The following QKI variants were observed in gnomAD, a reference collection of about 807,000 sequenced individuals.
QKI encodes QKI, KH domain containing RNA binding.
In QKI, 10 loss-of-function variants were observed where a neutral mutation model predicts 39.0. That is an observed-to-expected ratio of 0.26 (90% CI 0.16 to 0.43). The LOEUF (loss-of-function observed/expected upper bound fraction) is 0.43, where lower values mean the gene tolerates loss of function less well. Ranked by LOEUF, QKI falls within the 20% of genes least tolerant of loss-of-function variation. The probability of loss-of-function intolerance (pLI) is 1.00; values close to 1 mark genes in which losing one functional copy is unlikely to be tolerated. For missense variants in QKI, 218 were observed against 428.0 expected (o/e 0.51, Z 4.33); for synonymous variants, 204 against 155.4 (o/e 1.31, Z -2.33).
At chr6:163,567,806 GAGGAAAA>G in intron 7 of QKI, 4 of 985,248 alleles carry the variant, frequency 4.1e-6, no homozygotes, top group Non-Finnish European at 4.8e-6. Flanking sequence ...AATATTAGTG[GAGGAAAA>G]AGTGCTGGAT....
At chr6:163,537,908 C>G (rs73246641) in intron 4 of QKI, among the ~76,000 whole-genome samples, 3,106 of 152,216 alleles carry the variant, frequency 0.02, 106 homozygotes, top group African/African-American at 0.071. Context: ...TGCCTTCTTA[C>G]TCTGAGAAAA....
intron 4 of QKI, among the ~76,000 whole-genome samples, chr6:163,552,206 CTTT>C (rs35060699): frequency 5.9e-5 from 6 of 101,782 alleles, no homozygotes; most frequent in South Asian, 7.1e-4. Flanking sequence ...TTCGTTCGTT[CTTT>C]TTTTTTTTTT....
chr6:163,547,146 T>A (rs2128245123), intron 4 of QKI, among the ~76,000 whole-genome samples: 1 of 152,302 alleles, frequency 6.6e-6, no homozygotes, highest in African/African-American at 2.4e-5. Context: ...TAAATAAAAA[T>A]ACTTTGATTT....
At chr6:163,461,533 G>A (rs1159900483) in intron 2 of QKI, among the ~76,000 whole-genome samples, 1 of 152,122 alleles carries the variant, frequency 6.6e-6, no homozygotes. Flanking sequence ...AGAGTTTCAT[G>A]TTAGGATCTA....
intron 2 of QKI, chr6:163,457,526 A>G (rs1791010653): frequency 2.2e-6 from 1 of 449,378 alleles, no homozygotes; most frequent in Non-Finnish European, 4.5e-6. Flanking sequence ...GCCCCTTTCC[A>G]TACTTATTGA....
chr6:163,450,032 CAT>C (rs1352027945), intron 1 of QKI, among the ~76,000 whole-genome samples: 6 of 151,556 alleles, frequency 4.0e-5, no homozygotes, highest in South Asian at 2.1e-4. Context: ...TATACACACA[CAT>C]ATATATGTAT....
intron 6 of QKI, chr6:163,566,049 A>G: frequency 6.3e-7 from 1 of 1,580,158 alleles, no homozygotes; most frequent in Non-Finnish European, 8.6e-7. Flanking sequence ...CCTCCGGGGG[A>G]AAAAAGCTTA....
rs904626306 is a variant in QKI at position 163,567,084 on chromosome 6, T to C, written c.1009+289T>C. 14 of 1,069,470 alleles carry C rather than the reference T, an allele frequency of 1.3e-5. No individual in the cohort carries two copies. The African/African-American group carries it at 1.3e-4, about 10-fold the overall frequency. 66.2% of individuals were successfully genotyped at this position (1,069,470 alleles called of 1,614,324 possible). On this transcript the variant is annotated intron_variant, in intron 7 of 7. Coordinates refer to ENST00000361752, the MANE Select transcript of QKI (RefSeq NM_006775.3). ...TTGGGGAGCTATTAAATTTTGATGTTGCCTCAGTTATTTTCATTAATAACT... is the reference window on the plus strand; with the variant it reads ...TTGGGGAGCTATTAAATTTTGATGTCGCCTCAGTTATTTTCATTAATAACT...
chr6:163,518,705 T>A (rs1562507229), intron 3 of QKI, among the ~76,000 whole-genome samples: 2 of 152,288 alleles, frequency 1.3e-5, no homozygotes, highest in East Asian at 3.9e-4. Flanking sequence ...TAAGGTCAAG[T>A]TTTATACATG....
chr6:163,546,809 T>G (rs1296387621), intron 4 of QKI, among the ~76,000 whole-genome samples: 1 of 152,084 alleles, frequency 6.6e-6, no homozygotes, highest in African/African-American at 2.4e-5. Flanking sequence ...TGAAAGTGAC[T>G]ATTAAATTAT....
At chr6:163,511,862 C>T (rs953346052) in intron 3 of QKI, among the ~76,000 whole-genome samples, 7 of 152,008 alleles carry the variant, frequency 4.6e-5, no homozygotes, top group Middle Eastern at 3.4e-3. Context: ...TGGTAACTAC[C>T]ATTGTTACTG....
At chr6:163,549,693 C>A (rs1233752305) in intron 4 of QKI, among the ~76,000 whole-genome samples, 2 of 152,218 alleles carry the variant, frequency 1.3e-5, no homozygotes, top group Non-Finnish European at 2.9e-5. Context: ...GCCTGGGTGA[C>A]ACAGTGAGAA....
chr6:163,470,279 G>A (rs1007082351), intron 2 of QKI, among the ~76,000 whole-genome samples: 1 of 152,012 alleles, frequency 6.6e-6, no homozygotes. Flanking sequence ...TCTTCGCTTG[G>A]GGGTAGGGAC....
chr6:163,526,509 T>C (rs1337371192), intron 3 of QKI, among the ~76,000 whole-genome samples: 1 of 152,220 alleles, frequency 6.6e-6, no homozygotes, highest in Non-Finnish European at 1.5e-5. Flanking sequence ...ATGTGGGTGC[T>C]TGTTAGCAAC....
intron 4 of QKI, among the ~76,000 whole-genome samples, chr6:163,548,310 A>G (rs1047774569): frequency 2.7e-5 from 4 of 145,622 alleles, no homozygotes; most frequent in African/African-American, 9.9e-5. Flanking sequence ...TTAATGATTG[A>G]ATATTAGTCC....
intron 2 of QKI, among the ~76,000 whole-genome samples, chr6:163,467,998 T>C (rs1256838030): frequency 2.0e-5 from 3 of 152,208 alleles, no homozygotes; most frequent in Non-Finnish European, 4.4e-5. Context: ...TCTGTATTTT[T>C]AATTAAAAAC....
chr6:163,450,736 T>G, intron 1 of QKI, among the ~76,000 whole-genome samples: 1 of 151,160 alleles, frequency 6.6e-6, no homozygotes, highest in Non-Finnish European at 1.5e-5. Context: ...GTAGTGAAAT[T>G]CGAAAAAAAA....
At chr6:163,550,786 A>G (rs1175555265) in intron 4 of QKI, among the ~76,000 whole-genome samples, 1 of 152,032 alleles carries the variant, frequency 6.6e-6, no homozygotes, top group East Asian at 1.9e-4. Context: ...CTCTACTAAA[A>G]ATACAAAAAA....
At chr6:163,539,469 A>G (rs1781386882) in intron 4 of QKI, among the ~76,000 whole-genome samples, 1 of 152,082 alleles carries the variant, frequency 6.6e-6, no homozygotes, top group African/African-American at 2.4e-5. Flanking sequence ...GTTCTTTTAT[A>G]TTGCTTCACC....
Sources: allele counts gnomAD v4.1 joint callset (sites outside exome capture counted in the v4.1 genomes callset), GRCh38; gene constraint gnomAD v4.1.1; transcripts MANE v1.5; gene names NCBI Gene and HGNC (gene_info 2026-07-23, HGNC 2026-07-21).